The following NUP155 variants were observed in gnomAD, a reference collection of about 807,000 sequenced individuals.
NUP155 encodes the protein nucleoporin 155, also known as nuclear pore complex protein Nup155.
Under a neutral mutation model 180.4 loss-of-function variants are expected in NUP155, and 71 were observed. The ratio of observed to expected loss-of-function variants is 0.39; its 90% CI spans 0.33 to 0.48. The LOEUF is 0.48. NUP155 is among the 20% of genes least tolerant of loss of function. The pLI is 0.91. For synonymous variants in NUP155, 582 were observed against 559.5 expected (o/e 1.04, Z -0.57); for missense variants, 1,553 against 1,648.9 (o/e 0.94, Z 1.01).
intron 3 of NUP155, among the ~76,000 whole-genome samples, chr5:37,363,258 T>C (rs1747338861): frequency 6.6e-6 from 1 of 152,146 alleles, no homozygotes; most frequent in Non-Finnish European, 1.5e-5. Context: ...AAAAGATCAT[T>C]AATTACTCAG....
intron 7 of NUP155, among the ~76,000 whole-genome samples, chr5:37,349,489 T>G (rs1010937241): frequency 2.0e-5 from 3 of 152,110 alleles, no homozygotes; most frequent in African/African-American, 7.2e-5. Flanking sequence ...GCATAGAAAG[T>G]AAGTTATTTT....
At chr5:37,315,828 A>G (rs1290779829) in intron 21 of NUP155, among the ~76,000 whole-genome samples, 6 of 152,226 alleles carry the variant, frequency 3.9e-5, no homozygotes, top group African/African-American at 1.4e-4. Flanking sequence ...CTGTAACCAC[A>G]GCTACTCGGG....
chr5:37,297,024 A>C (rs1164916054), intron 32 of NUP155, among the ~76,000 whole-genome samples: 1 of 152,150 alleles, frequency 6.6e-6, no homozygotes, highest in Non-Finnish European at 1.5e-5. Context: ...TAAAAATACA[A>C]AAAAATTAGC....
chr5:37,351,612 A>C (rs1249701802), intron 5 of NUP155, among the ~76,000 whole-genome samples: 2 of 151,364 alleles, frequency 1.3e-5, no homozygotes, highest in African/African-American at 4.9e-5. Flanking sequence ...ATGCCCAGCT[A>C]ATTTTTTTTT....
At position 37,371,055 on chromosome 5, in the gene NUP155, T is replaced by C. The variant is rs931516745; in HGVS notation, c.-78A>G. 9 of 1,514,190 alleles carry C rather than the reference T, an allele frequency of 5.9e-6. No individual in the cohort carries two copies. In the African/African-American group the frequency reaches 1.2e-4, roughly 21 times the overall value. 93.8% of individuals were successfully genotyped at this position (1,514,190 alleles called of 1,614,324 possible). On this transcript the variant is annotated 5_prime_UTR_variant, in exon 1 of 35. Coordinates refer to ENST00000231498, the MANE Select transcript of NUP155 (RefSeq NM_153485.3). ...CAAGAAAAGATCCAAGAAGTTAGCT[T>C]AGATCCGCCGCCTAGGGCGCGCGCG...
chr5:37,344,575 A>G (rs941911981), intron 9 of NUP155, among the ~76,000 whole-genome samples: 1 of 151,462 alleles, frequency 6.6e-6, no homozygotes, highest in Non-Finnish European at 1.5e-5. Context: ...ATTCTGATAT[A>G]ACTGGAGAAA....
At chr5:37,361,775 A>G (rs17440224) in intron 3 of NUP155, among the ~76,000 whole-genome samples, 2,776 of 152,308 alleles carry the variant, frequency 0.018, 38 homozygotes, top group Non-Finnish European at 0.027. Flanking sequence ...CATTCTTCAA[A>G]TAATTTTTCT....
At chr5:37,325,568 A>G in intron 19 of NUP155, among the ~76,000 whole-genome samples, 1 of 151,924 alleles carries the variant, frequency 6.6e-6, no homozygotes, top group East Asian at 1.9e-4. Context: ...TAGGAGTTTG[A>G]GACTGGCCTG....
At position 37,333,511 on chromosome 5, in the gene NUP155, T is replaced by C. The variant is rs1561792447; in HGVS notation, c.1470A>G (p.Val490=). 6.2e-7 allele frequency: 1 copy of C among 1,614,150 alleles called. No individual in the cohort carries two copies. The highest frequency in any genetic ancestry group is 2.2e-5 in the East Asian group (1 of 44,872). Reference sequence around the variant, plus strand: ...TCTTCGGAGGTAACATGTGCTGCTGTACAACAACTGGTGAATCAGTTATTG... The same window carrying C: ...TCTTCGGAGGTAACATGTGCTGCTGCACAACAACTGGTGAATCAGTTATTG... The part of the protein sequence containing the change: ...HIPITDSPVV[V]QQHMLPPKKF... The change falls in exon 13 of 35, where the codon GTA becomes GTG. Residue 490 remains valine, a synonymous_variant. Coordinates refer to ENST00000231498, the MANE Select transcript of NUP155 (RefSeq NM_153485.3).
chr5:37,324,300 A>G (rs1329739116), intron 19 of NUP155, among the ~76,000 whole-genome samples, 193 bp from the exon 20 acceptor site: 1 of 152,204 alleles, frequency 6.6e-6, no homozygotes, highest in African/African-American at 2.4e-5. Context: ...AACATACAAT[A>G]AAATACAAAT....
intron 9 of NUP155, among the ~76,000 whole-genome samples, chr5:37,343,751 G>A (rs1295906278): frequency 6.6e-6 from 1 of 151,920 alleles, no homozygotes; most frequent in Non-Finnish European, 1.5e-5. Context: ...AAATTAGCCA[G>A]GGGTGGTAGC....
chr5:37,338,990 A>G (rs1451513768), intron 11 of NUP155, among the ~76,000 whole-genome samples: 1 of 152,204 alleles, frequency 6.6e-6, no homozygotes, highest in African/African-American at 2.4e-5. Context: ...AATGAAATAC[A>G]GTTTATATAC....
At chr5:37,306,032 T>C (rs532679562) in intron 25 of NUP155, among the ~76,000 whole-genome samples, 105 of 152,294 alleles carry the variant, frequency 6.9e-4, no homozygotes, top group African/African-American at 2.4e-3. Flanking sequence ...ATATACTTTT[T>C]CAATAAGTTT....
rs539835009 is a variant in NUP155 at position 37,339,398 on chromosome 5, T to A, written c.1247-1480A>T. On this transcript the variant is annotated intron_variant, in intron 11 of 34. Transcript: ENST00000231498. ...ATCCTAGCGCTTTGGGAGGCAGAGG[T>A]GGTAGGACTGCTTGAGCCCAGGAGT... Among the ~76,000 whole-genome samples the A allele has an allele frequency of 2.0e-5, 3 of 147,234 alleles. No homozygotes were observed. The East Asian group carries it at 6.0e-4, about 30-fold the overall frequency.
chr5:37,361,978 T>C (rs10054453), intron 3 of NUP155, among the ~76,000 whole-genome samples: 16,564 of 152,144 alleles, frequency 0.11, 2,973 homozygotes, highest in African/African-American at 0.37. Flanking sequence ...CCCTCTGCCA[T>C]GTGAGGACAG....
At chr5:37,302,715 GA>G in intron 29 of NUP155, 63 bp downstream of exon 29, 1 of 1,541,484 alleles carries the variant, frequency 6.5e-7, no homozygotes, top group Non-Finnish European at 9.0e-7. Context: ...GGGAAGAATG[GA>G]ATGTGGAATA....
chr5:37,327,169 G>A (rs114532996), intron 18 of NUP155: 11 of 183,676 alleles, frequency 6.0e-5, no homozygotes, highest in Non-Finnish European at 1.3e-4. Flanking sequence ...TGTCTAGCAG[G>A]TTTTCTGGTT....
At chr5:37,307,003 G>T (rs981201669) in intron 25 of NUP155, among the ~76,000 whole-genome samples, 3 of 151,258 alleles carry the variant, frequency 2.0e-5, no homozygotes, top group Non-Finnish European at 4.4e-5. Flanking sequence ...TTCAAGACCA[G>T]CCTGGCCAAA....
At chr5:37,319,503 A>C (rs1744106681) in intron 20 of NUP155, among the ~76,000 whole-genome samples, 1 of 152,256 alleles carries the variant, frequency 6.6e-6, no homozygotes, top group Admixed American at 6.5e-5. Flanking sequence ...CAGTAAATAC[A>C]TTTGACAAAC....
Sources: gnomAD v4.1 joint callset for allele counts (sites outside exome capture counted in the v4.1 genomes callset) on GRCh38, gnomAD v4.1.1 for gene constraint, MANE v1.5 for transcripts, NCBI Gene and HGNC (gene_info 2026-07-23, HGNC 2026-07-21) for gene names.